The following PAFAH2 variants were observed in gnomAD, a reference collection of about 807,000 sequenced individuals.
The protein encoded by PAFAH2 is platelet activating factor acetylhydrolase 2.
A neutral mutation model predicts 49.0 loss-of-function variants in PAFAH2; 42 were observed. That is an observed-to-expected ratio of 0.86 (90% CI 0.67 to 1.11). The LOEUF is 1.11. Ranked by LOEUF, PAFAH2 falls within the 50% of genes least tolerant of loss-of-function variation. The pLI, the probability that PAFAH2 is intolerant of heterozygous loss-of-function variation, is 0.00. For missense variants in PAFAH2, 503 were observed against 501.8 expected (o/e 1.00, Z -0.02); for synonymous variants, 184 against 181.3 (o/e 1.01, Z -0.12).
At chr1:25,979,512 A>C (rs1346491626) in intron 7 of PAFAH2, among the ~76,000 whole-genome samples, 1 of 151,656 alleles carries the variant, frequency 6.6e-6, no homozygotes, top group African/African-American at 2.4e-5. Context: ...TTTGAGATGG[A>C]GTTTTGCTCT....
At chr1:25,968,736 T>G (rs1216142370) in intron 10 of PAFAH2, among the ~76,000 whole-genome samples, 1 of 152,154 alleles carries the variant, frequency 6.6e-6, no homozygotes, top group African/African-American at 2.4e-5. Context: ...CTTGGCCTTT[T>G]TCTTTTCTTT....
chr1:25,973,528 A>G (rs2049541012), intron 9 of PAFAH2, among the ~76,000 whole-genome samples: 1 of 152,110 alleles, frequency 6.6e-6, no homozygotes, highest in Non-Finnish European at 1.5e-5. Context: ...CCCTGAGTGT[A>G]CCCCTTCCCA....
At chr1:25,964,841 C>T (rs1366015233) in intron 10 of PAFAH2, among the ~76,000 whole-genome samples, 2 of 152,144 alleles carry the variant, frequency 1.3e-5, no homozygotes, top group East Asian at 3.8e-4. Flanking sequence ...GACCATAATG[C>T]TCAAAGCAAT....
At chr1:25,974,245 C>G (rs1201339927) in intron 9 of PAFAH2, among the ~76,000 whole-genome samples, 1 of 152,134 alleles carries the variant, frequency 6.6e-6, no homozygotes, top group African/African-American at 2.4e-5. Flanking sequence ...TCAGAAAGTA[C>G]TAGGTAAATC....
chr1:25,990,004 T>TG (rs1306390815), intron 2 of PAFAH2, among the ~76,000 whole-genome samples: 1 of 152,008 alleles, frequency 6.6e-6, no homozygotes, highest in African/African-American at 2.4e-5. Flanking sequence ...GGACAGCCCC[T>TG]GGGAAGCAAC....
At chr1:25,965,745 G>T (rs1005276922) in intron 10 of PAFAH2, among the ~76,000 whole-genome samples, 2 of 147,388 alleles carry the variant, frequency 1.4e-5, no homozygotes, top group Non-Finnish European at 3.0e-5. Flanking sequence ...TTGAACCTGG[G>T]GGGCAGAGGT....
In PAFAH2 at chr1:25,962,019, T is replaced by C. The variant is rs1214144264; in HGVS notation, c.1149A>G (p.Pro383=). The C allele has an allele frequency of 1.9e-6, 3 of 1,613,916 alleles. No homozygotes were observed. Among genetic ancestry groups the C allele is most frequent in the South Asian group, 1.1e-5 (1 of 91,048 alleles). The change falls in exon 11 of 11, where the codon CCA becomes CCG. Residue 383 remains proline, a synonymous_variant. Transcript: ENST00000374282. The part of the protein sequence containing the change: ...LIEGIGPSLT[P]GAPHHLSSL ...GGCTGGACAGATGGTGGGGGGCCCC[T>C]GGGGTGAGCGACGGTCCAATGCCTT... is the stretch of plus-strand genomic sequence containing the variant.
At chr1:25,971,251 G>C (rs1227693942) in intron 10 of PAFAH2, among the ~76,000 whole-genome samples, 1 of 152,210 alleles carries the variant, frequency 6.6e-6, no homozygotes, top group Non-Finnish European at 1.5e-5. Context: ...GGATCAGAAA[G>C]GGACCTCTGA....
At chr1:25,965,746 G>A (rs534928113) in intron 10 of PAFAH2, among the ~76,000 whole-genome samples, 36 of 146,580 alleles carry the variant, frequency 2.5e-4, no homozygotes, top group South Asian at 2.0e-3. Context: ...TGAACCTGGG[G>A]GGCAGAGGTC....
rs1303397264 is a variant in PAFAH2, at chr1:25,960,239, A to C, written c.*1750T>G. On this transcript the variant is annotated 3_prime_UTR_variant, in exon 11 of 11. Transcript: ENST00000374282. ...TGCTGTTTCACCTCTTAGAATGGCC[A>C]GTCACTGACAGGTGGAGATCTAGGC... 6.6e-6 allele frequency: 1 copy of C among 152,422 alleles called. No individual in the cohort carries two copies. The highest frequency in any genetic ancestry group is 1.9e-4 in the East Asian group (1 of 5,200). 9.4% of individuals were successfully genotyped at this position (152,422 alleles called of 1,614,324 possible). A position where few individuals can be genotyped will look rare whatever the true frequency, so the allele number is the denominator to read the frequency against.
In PAFAH2 at chr1:25,989,524, A is replaced by T; in HGVS notation, c.168T>A (p.Tyr56Ter). The T allele has an allele frequency of 6.2e-7, 1 of 1,613,092 alleles. No homozygotes were observed. The highest frequency in any genetic ancestry group is 1.1e-5 in the South Asian group (1 of 90,800). The change falls in exon 3 of 11, where the codon TAT (tyrosine) becomes TAA (stop). Residue 56 changes from tyrosine (Y) to a stop codon, truncating the protein, a stop_gained. Coordinates refer to ENST00000374282, the MANE Select transcript of PAFAH2 (RefSeq NM_000437.4). LOFTEE classifies it high-confidence loss of function. The stretch of plus-strand genomic sequence containing the variant: ...ACTCGGCCAGGCCAGTGCAGTACTC[A>T]TAGCGGGGAATCCACAGGGGCTGCT... Reference protein sequence around the residue: ...TMEQPLWIPRYEYCTGLAEYL... With the variant: ...TMEQPLWIPR
chr1:25,992,848 A>T (rs1429289630), intron 1 of PAFAH2, among the ~76,000 whole-genome samples: 6 of 152,212 alleles, frequency 3.9e-5, no homozygotes, highest in Non-Finnish European at 4.4e-5. Context: ...TATTTGGATG[A>T]AAAGTGCGCG....
rs776095836 is a variant in PAFAH2, at chr1:25,974,561, T to C, written c.848A>G (p.Glu283Gly). The part of the protein sequence containing the change: ...ARGPVFFINT[E>G]KFQTMESVNL... ...GACACTCTCCATTGTCTGGAATTTC[T>C]CAGTATTGATAAAGAACACAGGTCC... is the stretch of plus-strand genomic sequence containing the variant. Residue 283 changes from glutamate to glycine, a missense_variant, in exon 9 of 11, where the codon GAG becomes GGG. Physicochemically the swap from Glu to Gly is moderately conservative, Grantham distance 98. Transcript: ENST00000374282. 3 of 1,614,088 alleles carry C rather than the reference T, an allele frequency of 1.9e-6. No individual in the cohort carries two copies. The highest frequency in any genetic ancestry group is 2.2e-5 in the East Asian group (1 of 44,882).
chr1:25,977,636 G>C (rs533756274), intron 7 of PAFAH2, among the ~76,000 whole-genome samples: 109 of 143,896 alleles, frequency 7.6e-4, no homozygotes, highest in African/African-American at 2.7e-3. Context: ...GCCTGGGTGA[G>C]AGTGAGACCC....
intron 10 of PAFAH2, 118 bp downstream of exon 10, chr1:25,972,440 G>A (rs760016615): frequency 2.2e-5 from 26 of 1,170,008 alleles, no homozygotes; most frequent in Non-Finnish European, 3.0e-5. Flanking sequence ...CTTCACTCAG[G>A]TTTTCCATTT....
intron 1 of PAFAH2, among the ~76,000 whole-genome samples, chr1:25,997,048 C>T (rs1049903178): frequency 1.3e-5 from 2 of 152,346 alleles, no homozygotes; most frequent in Non-Finnish European, 1.5e-5. Context: ...TTGCAGCTGT[C>T]CTCTCCTGCT....
In PAFAH2 at chr1:25,960,778, T is replaced by A. The variant is rs1426100548; in HGVS notation, c.*1211A>T. On this transcript the variant is annotated 3_prime_UTR_variant, in exon 11 of 11. Transcript: ENST00000374282. ...CTCTGGGAGTGGCCTTCTGCGTTTT[T>A]AAATTTTATTTATTTTAAATTTTTC... The A allele has an allele frequency of 1.3e-5, 2 of 149,280 alleles. No homozygotes were observed. Among genetic ancestry groups the A allele is most frequent in the African/African-American group, 2.4e-5 (1 of 40,848 alleles). The allele number at this position is 149,280 out of a possible 1,614,324, so 9.2% of individuals were successfully genotyped here. A position where few individuals can be genotyped will look rare whatever the true frequency, so the allele number is the denominator to read the frequency against.
intron 4 of PAFAH2, among the ~76,000 whole-genome samples, chr1:25,986,370 G>A (rs1405058291): frequency 6.6e-6 from 1 of 152,194 alleles, no homozygotes; most frequent in Non-Finnish European, 1.5e-5. Flanking sequence ...TGAAGACAGC[G>A]AGGGAGGAAA....
At chr1:25,971,603 C>T (rs1455917862) in intron 10 of PAFAH2, among the ~76,000 whole-genome samples, 3 of 152,224 alleles carry the variant, frequency 2.0e-5, no homozygotes, top group Non-Finnish European at 2.9e-5. Flanking sequence ...ATGAGACAGA[C>T]GGAAAGAAAA....
Sources: allele counts gnomAD v4.1 joint callset (sites outside exome capture counted in the v4.1 genomes callset), GRCh38; gene constraint gnomAD v4.1.1; transcripts MANE v1.5; gene names NCBI Gene and HGNC (gene_info 2026-07-23, HGNC 2026-07-21).